The following ANKRD30B variants were observed in gnomAD, a reference collection of about 807,000 sequenced individuals.
ANKRD30B encodes ankyrin repeat domain-containing protein 30B.
In ANKRD30B, 144 loss-of-function variants were observed where a neutral mutation model predicts 202.2. That is an observed-to-expected ratio of 0.71 (90% confidence interval 0.62 to 0.82). The LOEUF (loss-of-function observed/expected upper bound fraction) is 0.82. ANKRD30B is among the 40% of genes least tolerant of loss of function. The pLI, the probability that ANKRD30B is intolerant of heterozygous loss-of-function variation, is 0.00. For synonymous variants in ANKRD30B, 508 were observed against 561.3 expected (o/e 0.91, Z 1.34); for missense variants, 1,487 against 1,669.1 (o/e 0.89, Z 1.90).
the ANKRD30B span, among the ~76,000 whole-genome samples, chr18:14,867,989 A>G: frequency 6.6e-6 from 1 of 152,224 alleles, no homozygotes; most frequent in Non-Finnish European, 1.5e-5. Flanking sequence ...TGGAGCCTGA[A>G]TATGGCACAG....
rs183946523 is a variant in ANKRD30B at position 14,810,179 on chromosome 18, A to C, written c.2487A>C (p.Ala829=). Residue 829 remains alanine (A), a splice_region_variant and synonymous_variant, in exon 28 of 44, where the codon GCA becomes GCC. Coordinates refer to ENST00000690538, the MANE Select transcript of ANKRD30B (RefSeq NM_001367607.2). ...LELKDRETLK[A]AQMFPSESKQ... is the part of the protein sequence containing the mutation. ...TAAAGGACAGAGAAACATTAAAAGC[A>C]GGTAAACTTTGTAATTTAAATTTTA... is the stretch of plus-strand genomic sequence containing the variant. 3,338 of 1,382,046 alleles carry C rather than the reference A, an allele frequency of 2.4e-3. 83 individuals carry two copies. Among genetic ancestry groups the C allele is most frequent in the Non-Finnish European group, 3.0e-3 (3,073 of 1,012,834 alleles). 85.6% of individuals were successfully genotyped at this position (1,382,046 alleles called of 1,614,324 possible).
In ANKRD30B at chr18:14,771,934, G is replaced by C. The variant is rs1226294205; in HGVS notation, c.1257-222G>C. The stretch of plus-strand genomic sequence containing the variant: ...CAGTCTTTATTGTATGTTTTAGGTT[G>C]GGGAGGTAGAGTCAAAAATAGGTAA... On this transcript the variant is annotated intron_variant, in intron 8 of 43. Coordinates refer to ENST00000690538, the MANE Select transcript of ANKRD30B (RefSeq NM_001367607.2). Among the ~76,000 whole-genome samples the C allele has an allele frequency of 2.6e-5, 4 of 152,062 alleles. No homozygotes were observed. The East Asian group carries it at 7.7e-4, about 29-fold the overall frequency.
rs9676201 is a variant in ANKRD30B at position 14,851,373 on chromosome 18, C to T, written c.3565-136C>T. ...CTCTATAGTATTTGAAGTTTTGATT[C>T]AATGGTTCTTCAACTGATACCTACT... On this transcript the variant is annotated intron_variant, in intron 41 of 43. Transcript: ENST00000690538. 4.2e-3 allele frequency: 3,528 copies of T among 840,028 alleles called. 108 individuals carry two copies. In the African/African-American group the frequency reaches 0.057, roughly 14 times the overall value. The allele number at this position is 840,028 out of a possible 1,614,324, so 52.0% of individuals were successfully genotyped here.
chr18:14,748,519 A>G lies in ANKRD30B; in HGVS notation c.100A>G (p.Ile34Val). 2 of 1,552,380 alleles carry G rather than the reference A, an allele frequency of 1.3e-6. No individual in the cohort carries two copies. Among genetic ancestry groups the G allele is most frequent in the South Asian group, 1.2e-5 (1 of 84,066 alleles). ...CTACACTGAGAAGGACTACGGGACC[A>G]TCTACTTCGGGGATCTAGGGAAGAT... ...RVYTEKDYGTIYFGDLGKIHT... is the reference protein window; with the variant it reads ...RVYTEKDYGTVYFGDLGKIHT... Residue 34 changes from isoleucine to valine, a missense_variant, in exon 1 of 44, where the codon ATC becomes GTC. Transcript: ENST00000690538.
chr18:14,784,303 T>C, intron 12 of ANKRD30B, 33 bp from the exon 13 acceptor site: 3 of 1,604,120 alleles, frequency 1.9e-6, no homozygotes. Context: ...CATATTTACT[T>C]ATGATTGATG....
At chr18:14,750,536 T>C (rs1913260421) in intron 1 of ANKRD30B, among the ~76,000 whole-genome samples, 1 of 152,154 alleles carries the variant, frequency 6.6e-6, no homozygotes, top group Non-Finnish European at 1.5e-5. Flanking sequence ...AATTTGATGG[T>C]AAGTACCATA....
chr18:14,817,772 A>T (rs961973879), intron 30 of ANKRD30B, among the ~76,000 whole-genome samples: 9 of 152,200 alleles, frequency 5.9e-5, no homozygotes, highest in Non-Finnish European at 1.2e-4. Flanking sequence ...AGTGCTTCAG[A>T]AGTAAAGTTT....
intron 33 of ANKRD30B, among the ~76,000 whole-genome samples, chr18:14,829,704 G>C (rs1275594119): frequency 6.6e-6 from 1 of 151,988 alleles, no homozygotes; most frequent in Non-Finnish European, 1.5e-5. Flanking sequence ...TGCTTTTTTT[G>C]CTTGTTTAAT....
intron 14 of ANKRD30B, 85 bp downstream of exon 14, chr18:14,784,620 C>A (rs1967959403): frequency 4.3e-6 from 6 of 1,408,398 alleles, no homozygotes; most frequent in East Asian, 2.4e-5. Context: ...TGATTTATTT[C>A]TTTTAACTTT....
the ANKRD30B span, among the ~76,000 whole-genome samples, chr18:14,933,823 C>T: frequency 2.6e-5 from 4 of 152,162 alleles, no homozygotes; most frequent in Admixed American, 2.0e-4. Context: ...ACGTCAAGTG[C>T]AGATGGTGAA....
At chr18:14,768,993 G>A (rs1410116500) in intron 7 of ANKRD30B, among the ~76,000 whole-genome samples, 1 of 152,116 alleles carries the variant, frequency 6.6e-6, no homozygotes, top group Non-Finnish European at 1.5e-5. Context: ...TTCCTACCAA[G>A]AGTATACTTA....
At chr18:14,894,620 G>A in the ANKRD30B span, among the ~76,000 whole-genome samples, 2 of 151,914 alleles carry the variant, frequency 1.3e-5, no homozygotes, top group African/African-American at 2.4e-5. Flanking sequence ...CCTTGATCAA[G>A]TATACCCTCT....
rs897836658 is a variant in ANKRD30B, at chr18:14,850,360, G to A, written c.3542G>A (p.Ser1181Asn). 6.4e-7 allele frequency: 1 copy of A among 1,554,342 alleles called. No individual in the cohort carries two copies. The change falls in exon 41 of 44, where the codon AGT becomes AAT. Residue 1181 changes from serine (S) to asparagine (N), a missense_variant. Ser to Asn is a conservative substitution (Grantham distance 46). Transcript: ENST00000690538. Reference protein sequence around the residue: ...TLRIQDIELKSVTSNLNQVSH... With the variant: ...TLRIQDIELKNVTSNLNQVSH... ...AGAATACAAGATATAGAATTGAAAA[G>A]TGTAACAAGTAATTTGAATCAGGTA...
At position 14,748,182 on chromosome 18, in the gene ANKRD30B, A is replaced by G. The variant is rs1419981839; in HGVS notation, c.-238A>G. ...GCGTGAGCTGCTGCTGTAACGCTCT[A>G]ACGTTAGAGCAGCTAACGGCTCTGC... On this transcript the variant is annotated 5_prime_UTR_variant, in exon 1 of 44. Transcript: ENST00000690538. 1 of 399,298 alleles carries G rather than the reference A, an allele frequency of 2.5e-6. No individual in the cohort carries two copies. The highest frequency in any genetic ancestry group is 4.4e-6 in the Non-Finnish European group (1 of 225,160). 24.7% of individuals were successfully genotyped at this position (399,298 alleles called of 1,614,324 possible). A position where few individuals can be genotyped will look rare whatever the true frequency, so the allele number is the denominator to read the frequency against.
intron 16 of ANKRD30B, among the ~76,000 whole-genome samples, chr18:14,793,624 G>T (rs1237501163): frequency 6.6e-6 from 1 of 152,012 alleles, no homozygotes; most frequent in African/African-American, 2.4e-5. Flanking sequence ...GCCAGGCGTG[G>T]TGACTCACGC....
intron 12 of ANKRD30B, 101 bp from the exon 13 acceptor site, chr18:14,784,235 A>ATTC: frequency 7.4e-6 from 9 of 1,220,692 alleles, no homozygotes; most frequent in Non-Finnish European, 1.1e-5. Context: ...TTCATTCTCA[A>ATTC]AGTCAACCAA....
the ANKRD30B span, among the ~76,000 whole-genome samples, chr18:14,910,598 G>GT: frequency 2.7e-5 from 4 of 150,782 alleles, no homozygotes; most frequent in African/African-American, 7.3e-5. Flanking sequence ...ACAAGAGCAA[G>GT]TTTTTTTTTG....
At chr18:14,827,463 T>C (rs191303027) in intron 32 of ANKRD30B, among the ~76,000 whole-genome samples, 1 of 152,276 alleles carries the variant, frequency 6.6e-6, no homozygotes, top group East Asian at 1.9e-4. Flanking sequence ...GTCTGTGGGA[T>C]CTGAGACTAT....
the ANKRD30B span, among the ~76,000 whole-genome samples, chr18:14,878,137 C>T: frequency 6.6e-6 from 1 of 152,132 alleles, no homozygotes; most frequent in Admixed American, 6.5e-5. Flanking sequence ...CCGAGATGCT[C>T]GTGTGCTGTG....
Sources: gnomAD v4.1 joint callset for allele counts (sites outside exome capture counted in the v4.1 genomes callset) on GRCh38, gnomAD v4.1.1 for gene constraint, MANE v1.5 for transcripts, NCBI Gene and HGNC (gene_info 2026-07-23, HGNC 2026-07-21) for gene names.